The following ZNF615 variants were observed in gnomAD, a reference collection of about 807,000 sequenced individuals.
The protein encoded by ZNF615 is zinc finger protein 615.
In ZNF615, 15 loss-of-function variants were observed where a neutral mutation model predicts 15.3. The ratio of observed to expected loss-of-function variants is 0.98; its 90% CI spans 0.66 to 1.51. ZNF615 has a LOEUF of 1.51. ZNF615 is among the 40% of genes most tolerant of loss of function. The probability of loss-of-function intolerance (pLI) is 0.00; values close to 1 mark genes in which losing one functional copy is unlikely to be tolerated. For synonymous variants in ZNF615, 268 were observed against 294.6 expected (o/e 0.91, Z 0.92); for missense variants, 848 against 895.9 (o/e 0.95, Z 0.68).
At position 52,003,787 on chromosome 19, in the gene ZNF615, G is replaced by C. The variant is rs372143389; in HGVS notation, c.-76C>G. ...CTCTTCTGAATCAGCTCTAAATTTC[G>C]GTTCAAAAACTTCAATCTCCAATCA... On this transcript the variant is annotated 5_prime_UTR_variant, in exon 3 of 7. Coordinates refer to ENST00000598071, the MANE Select transcript of ZNF615 (RefSeq NM_001199324.2). The C allele has an allele frequency of 1.3e-6, 2 of 1,584,614 alleles. No individual in the cohort carries two copies. The highest frequency in any genetic ancestry group is 1.7e-6 in the Non-Finnish European group (2 of 1,167,934).
rs750323833 is a variant in ZNF615 at position 51,993,733 on chromosome 19, C to T, written c.1376G>A (p.Arg459Gln). The T allele has an allele frequency of 1.8e-5, 29 of 1,613,768 alleles. No homozygotes were observed. The highest frequency in any genetic ancestry group is 4.5e-5 in the East Asian group (2 of 44,860). ...ALKSPLIRHQ[R>Q]THTGEKPYVC... is the part of the protein sequence containing the mutation. ...ATAGGGTTTCTCTCCAGTATGTGTTCGCTGATGTCTGATGAGTGGGCTCTT... is the reference window on the plus strand; with the variant it reads ...ATAGGGTTTCTCTCCAGTATGTGTTTGCTGATGTCTGATGAGTGGGCTCTT... The change falls in exon 7 of 7, where the codon CGA becomes CAA. Residue 459 changes from arginine (R) to glutamine (Q), a missense_variant. Physicochemically the swap from Arg to Gln is conservative, Grantham distance 43. Transcript: ENST00000598071.
chr19:52,003,740 A>C lies in ZNF615; in HGVS notation c.-29T>G. On this transcript the variant is annotated 5_prime_UTR_variant, in exon 3 of 7. Transcript: ENST00000598071. ...CTCCTAAATTTGGGAAATGACTGCT[A>C]ACTTGGACGTTCTGTATTTGTCTCT... 6.2e-7 allele frequency: 1 copy of C among 1,611,520 alleles called. No homozygotes were observed. Among genetic ancestry groups the C allele is most frequent in the Non-Finnish European group, 8.5e-7 (1 of 1,178,908 alleles).
At chr19:52,003,948 G>A (rs2086677526) in intron 2 of ZNF615, 48 bp from the exon 3 acceptor site, 2 of 1,270,100 alleles carry the variant, frequency 1.6e-6, no homozygotes, top group Non-Finnish European at 2.0e-6. Flanking sequence ...AGGCCCAGAT[G>A]TTGTCACTGT....
chr19:52,008,005 T>A, intron 1 of ZNF615, 136 bp downstream of exon 1: 3 of 782,048 alleles, frequency 3.8e-6, no homozygotes, highest in Non-Finnish European at 6.2e-6. Context: ...GCTAAGCTCC[T>A]GAAAGAATTC....
chr19:51,996,682 C>G (rs1407464835), intron 6 of ZNF615, among the ~76,000 whole-genome samples: 2 of 152,120 alleles, frequency 1.3e-5, no homozygotes, highest in Non-Finnish European at 2.9e-5. Flanking sequence ...TAGTTGGAAA[C>G]ATGTAGAAAA....
At chr19:52,001,498 G>A (rs867037815) in intron 5 of ZNF615, among the ~76,000 whole-genome samples, 50 of 151,580 alleles carry the variant, frequency 3.3e-4, no homozygotes, top group Admixed American at 1.6e-3. Context: ...CGCACCTGTA[G>A]TCCCAGCTAC....
chr19:51,993,286 A>G lies in ZNF615; in HGVS notation c.1823T>C (p.Ile608Thr). 6.2e-7 allele frequency: 1 copy of G among 1,613,804 alleles called. No homozygotes were observed. Among genetic ancestry groups the G allele is most frequent in the Non-Finnish European group, 8.5e-7 (1 of 1,179,898 alleles). ...QRTHTGEKPYICNECGKGFTM... is the reference protein window; with the variant it reads ...QRTHTGEKPYTCNECGKGFTM... ...GAAGCCCTTTCCACATTCATTGCAT[A>G]TATAAGGTTTCTCCCCAGTATGAGT... is the stretch of plus-strand genomic sequence containing the variant. Residue 608 changes from isoleucine to threonine, a missense_variant, in exon 7 of 7, where the codon ATA becomes ACA. Ile to Thr is a moderately conservative substitution (Grantham distance 89). Transcript: ENST00000598071.
chr19:52,007,777 C>T (rs981802631), intron 1 of ZNF615, among the ~76,000 whole-genome samples: 1 of 152,164 alleles, frequency 6.6e-6, no homozygotes, highest in South Asian at 2.1e-4. Context: ...GATTCGCTGA[C>T]AAAACAAACC....
chr19:51,996,735 T>C (rs975761031), intron 6 of ZNF615, among the ~76,000 whole-genome samples: 12 of 152,206 alleles, frequency 7.9e-5, no homozygotes, highest in African/African-American at 2.9e-4. Flanking sequence ...CAATCCAACA[T>C]GTAGAGTTTG....
rs1420258440 is a variant in ZNF615 at position 51,994,784 on chromosome 19, G to T, written c.325C>A (p.Gln109Lys). The T allele has an allele frequency of 6.2e-7, 1 of 1,604,164 alleles. No individual in the cohort carries two copies. The change falls in exon 7 of 7, where the codon CAG becomes AAG. Residue 109 changes from glutamine to lysine, a missense_variant. Gln to Lys is a moderately conservative substitution (Grantham distance 53). Transcript: ENST00000598071. ...LQHHLQNQSI[Q>K]KSVKQCHEQN... ...TCATGGCACTGTTTCACACTCTTCT[G>T]AATACTTTGATTTTGCAAGTGATGC...
chr19:51,998,460 T>C (rs1282011698), intron 6 of ZNF615, among the ~76,000 whole-genome samples: 1 of 152,208 alleles, frequency 6.6e-6, no homozygotes, highest in Non-Finnish European at 1.5e-5. Context: ...TCCTAACACT[T>C]ACTGTTCCAC....
chr19:51,996,299 T>C (rs1157901847), intron 6 of ZNF615, among the ~76,000 whole-genome samples: 1 of 145,728 alleles, frequency 6.9e-6, no homozygotes, highest in East Asian at 2.0e-4. Flanking sequence ...GGCACAAGAA[T>C]CGCTTGAACC....
chr19:51,992,778 C>T lies in ZNF615; in HGVS notation c.*102G>A. ...TTCTCTGACACAAAACATGAAGTAACTGATCACTAAATAAACAACCATGTA... is the reference window on the plus strand; with the variant it reads ...TTCTCTGACACAAAACATGAAGTAATTGATCACTAAATAAACAACCATGTA... On this transcript the variant is annotated 3_prime_UTR_variant, in exon 7 of 7. Transcript: ENST00000598071. The T allele has an allele frequency of 7.7e-7, 1 of 1,301,258 alleles. No homozygotes were observed. 80.6% of individuals were successfully genotyped at this position (1,301,258 alleles called of 1,614,324 possible). A position where few individuals can be genotyped will look rare whatever the true frequency, so the allele number is the denominator to read the frequency against.
rs1342535565 is a variant in ZNF615 at position 51,992,825 on chromosome 19, CTT to C, written c.*53_*54del. 5 of 1,566,730 alleles carry C rather than the reference CTT, an allele frequency of 3.2e-6. No individual in the cohort carries two copies. The highest frequency in any genetic ancestry group is 1.2e-5 in the South Asian group (1 of 84,614). The stretch of plus-strand genomic sequence containing the variant: ...TGTAGTCTGCATTCATGAAATTACT[CTT>C]CTTTGCAGATATCTTAAGGGCCTAC... On this transcript the variant is annotated 3_prime_UTR_variant, in exon 7 of 7. Coordinates refer to ENST00000598071, the MANE Select transcript of ZNF615 (RefSeq NM_001199324.2).
chr19:52,002,975 C>T (rs1239334349), intron 3 of ZNF615, among the ~76,000 whole-genome samples: 16 of 151,940 alleles, frequency 1.1e-4, no homozygotes, highest in East Asian at 5.8e-4. Flanking sequence ...TACAGGCGCA[C>T]GCCACCACAC....
Position 51,992,151 on chromosome 19 carries a change from A to G in ZNF615, c.*729T>C, listed in dbSNP as rs1245565736. 2 of 152,324 alleles carry G rather than the reference A, an allele frequency of 1.3e-5. No homozygotes were observed. The highest frequency in any genetic ancestry group is 3.9e-4 in the East Asian group (2 of 5,186). 9.4% of individuals were successfully genotyped at this position (152,324 alleles called of 1,614,324 possible). A position where few individuals can be genotyped will look rare whatever the true frequency, so the allele number is the denominator to read the frequency against. ...CCAAAGAAATGCAGGAGCTAATCAT[A>G]TAATAAAATGAGGCAGGCATAAAAT... is the stretch of plus-strand genomic sequence containing the variant. On this transcript the variant is annotated 3_prime_UTR_variant, in exon 7 of 7. Transcript: ENST00000598071.
chr19:51,993,306 A>G lies in ZNF615; in HGVS notation c.1803T>C (p.His601=), dbSNP rs765979208. Residue 601 remains histidine (H), a synonymous_variant, in exon 7 of 7, where the codon CAT becomes CAC. Coordinates refer to ENST00000598071, the MANE Select transcript of ZNF615 (RefSeq NM_001199324.2). The stretch of plus-strand genomic sequence containing the variant: ...TGCATATATAAGGTTTCTCCCCAGT[A>G]TGAGTTCGCTGATGTGCAATGAGCA... ...KSMLIAHQRT[H]TGEKPYICNE... The G allele has an allele frequency of 1.2e-6, 2 of 1,614,096 alleles. No individual in the cohort carries two copies. The highest frequency in any genetic ancestry group is 1.7e-6 in the Non-Finnish European group (2 of 1,180,012).
At chr19:52,000,139 G>A (rs1253440598) in intron 6 of ZNF615, 2 of 397,744 alleles carry the variant, frequency 5.0e-6, no homozygotes, top group Admixed American at 4.3e-5. Flanking sequence ...ACCAAATACT[G>A]TGTATTCTCA....
rs1264298684 is a variant in ZNF615, at chr19:51,994,440, G to A, written c.669C>T (p.Ala223=). 1 of 1,614,016 alleles carries A rather than the reference G, an allele frequency of 6.2e-7. No homozygotes were observed. The highest frequency in any genetic ancestry group is 8.5e-7 in the Non-Finnish European group (1 of 1,180,020). The stretch of plus-strand genomic sequence containing the variant: ...CAATAAACTGAGACAACTTGAGGAA[G>A]GCTTTCCCACATTCACTGCATACAT... The part of the protein sequence containing the change: ...NAHVCSECGK[A]FLKLSQFIDH... Residue 223 remains alanine (A), a synonymous_variant, in exon 7 of 7, where the codon GCC becomes GCT. Coordinates refer to ENST00000598071, the MANE Select transcript of ZNF615 (RefSeq NM_001199324.2).
Sources: gnomAD v4.1 joint callset for allele counts (sites outside exome capture counted in the v4.1 genomes callset) on GRCh38, gnomAD v4.1.1 for gene constraint, MANE v1.5 for transcripts, NCBI Gene and HGNC (gene_info 2026-07-23, HGNC 2026-07-21) for gene names.